The following SCN1A variants were observed in gnomAD, a reference collection of about 807,000 sequenced individuals.
SCN1A encodes sodium channel protein type 1 subunit alpha.
A neutral mutation model predicts 193.7 loss-of-function variants in SCN1A; 13 were observed. That is an observed-to-expected ratio of 0.07 (90% CI 0.04 to 0.11). The LOEUF is 0.11. Among genes scored for constraint, SCN1A ranks in the 10% least tolerant of loss-of-function variants. The pLI is 1.00. For missense variants in SCN1A, 1,432 were observed against 2,451.1 expected, an observed-to-expected ratio of 0.58 and a Z score of 8.78; for synonymous variants, 781 against 843.6, an observed-to-expected ratio of 0.93 and a Z score of 1.29.
chr2:166,011,820 T>A (rs1290749376), intron 22 of SCN1A, among the ~76,000 whole-genome samples: 1 of 151,102 alleles, frequency 6.6e-6, no homozygotes, highest in Non-Finnish European at 1.5e-5. Flanking sequence ...ACATACCTTT[T>A]AAGTTCCCTG....
intron 2 of SCN1A, among the ~76,000 whole-genome samples, chr2:166,108,040 T>C (rs1352762497): frequency 6.6e-6 from 1 of 152,050 alleles, no homozygotes; most frequent in Non-Finnish European, 1.5e-5. Context: ...TTGCAAATCA[T>C]ATATCTGATA....
Position 166,110,203 on chromosome 2 carries a change from C to A in SCN1A, c.-142+16721G>T, listed in dbSNP as rs578030425. 2.6e-4 allele frequency among the ~76,000 whole-genome samples: 39 copies of A among 152,022 alleles called. No individual in the cohort carries two copies. In the South Asian group the frequency reaches 7.3e-3, roughly 28 times the overall value. On this transcript the variant is annotated intron_variant, in intron 2 of 28. Transcript: ENST00000674923. The stretch of plus-strand genomic sequence containing the variant: ...AATTTTTTTTTAATCCCTACAATGG[C>A]CTTTAAGTGTTCAAGTCAAAGGAAG...
chr2:166,056,313 TAATAA>T, intron 6 of SCN1A, 93 bp downstream of exon 6: 1 of 824,108 alleles, frequency 1.2e-6, no homozygotes, highest in Non-Finnish European at 2.1e-6. Flanking sequence ...GGAATGACTT[TAATAA>T]AATGCTCTTC....
chr2:166,017,407 G>A (rs76236041), intron 19 of SCN1A, among the ~76,000 whole-genome samples: 1 of 151,886 alleles, frequency 6.6e-6, no homozygotes. Context: ...AGTGGCAGGC[G>A]TTAGTCACAT....
intron 2 of SCN1A, among the ~76,000 whole-genome samples, chr2:166,111,166 G>A (rs1043168422): frequency 2.0e-5 from 3 of 152,098 alleles, no homozygotes; most frequent in African/African-American, 7.2e-5. Flanking sequence ...ATGCCATCTA[G>A]GACTTTCATA....
intron 19 of SCN1A, among the ~76,000 whole-genome samples, chr2:166,027,470 T>C (rs78872568): frequency 0.019 from 2,820 of 152,108 alleles, 105 homozygotes; most frequent in African/African-American, 0.065. Flanking sequence ...AGCTTATTTA[T>C]AGAGTTTAGT....
intron 2 of SCN1A, among the ~76,000 whole-genome samples, chr2:166,123,282 A>AAGC (rs1558896009): frequency 2.0e-5 from 3 of 146,954 alleles, no homozygotes; most frequent in South Asian, 4.3e-4. Context: ...AAATCCCTCC[A>AAGC]AGCAGCTCCT....
At chr2:166,059,515 G>T (rs1410489041) in intron 4 of SCN1A, 1 of 152,146 alleles carries the variant, frequency 6.6e-6, no homozygotes, top group Non-Finnish European at 1.5e-5. Context: ...AAACATTAAA[G>T]AAGCAACATG....
chr2:166,047,029 G>C lies in SCN1A; in HGVS notation c.1171-53C>G, dbSNP rs1038692121. 8 of 1,591,690 alleles carry C rather than the reference G, an allele frequency of 5.0e-6. No individual in the cohort carries two copies. The East Asian group carries it at 1.8e-4, about 36-fold the overall frequency. ...CTCAATATTATTTCACTAAGTGGTG[G>C]CTTCAACTTTCAATTTACTCATGTG... On this transcript the variant is annotated intron_variant, in intron 11 of 28. Transcript: ENST00000674923.
In SCN1A at chr2:165,990,080, C is replaced by A. The variant is rs1324747329; in HGVS notation, c.*1165G>T. On this transcript the variant is annotated 3_prime_UTR_variant, in exon 29 of 29. Coordinates refer to ENST00000674923, the MANE Select transcript of SCN1A (RefSeq NM_001165963.4). The stretch of plus-strand genomic sequence containing the variant: ...GAGCAGTGAGAGAAACCAGATACAG[C>A]AGCATGGTAATATAAACATGCATTG... 4 of 152,538 alleles carry A rather than the reference C, an allele frequency of 2.6e-5. No individual in the cohort carries two copies. Among genetic ancestry groups the A allele is most frequent in the Non-Finnish European group, 5.9e-5 (4 of 68,016 alleles). 9.4% of individuals were successfully genotyped at this position (152,538 alleles called of 1,614,324 possible). A position where few individuals can be genotyped will look rare whatever the true frequency, so the allele number is the denominator to read the frequency against.
At chr2:166,116,842 CAAAAT>C (rs950023222) in intron 2 of SCN1A, among the ~76,000 whole-genome samples, 32 of 151,976 alleles carry the variant, frequency 2.1e-4, no homozygotes, top group African/African-American at 6.8e-4. Context: ...CACATGTCAA[CAAAAT>C]AAATTTCAAG....
chr2:166,041,226 CT>C lies in SCN1A; in HGVS notation c.2415+4del, dbSNP rs1472681972. On this transcript the variant is annotated splice_donor_region_variant and intron_variant, in intron 16 of 28. Transcript: ENST00000674923. ...CTAAACACATTTACCTTCCAATATG[CT>C]TACCAAGTTTCCTACTGTAAGCACA... 1 of 1,591,246 alleles carries C rather than the reference CT, an allele frequency of 6.3e-7. No homozygotes were observed. Among genetic ancestry groups the C allele is most frequent in the Middle Eastern group, 1.7e-4 (1 of 5,808 alleles).
At chr2:166,009,903 T>C in intron 22 of SCN1A, 62 bp from the exon 23 acceptor site, 1 of 1,475,198 alleles carries the variant, frequency 6.8e-7, no homozygotes, top group Non-Finnish European at 9.4e-7. Context: ...GTAGTTGCTA[T>C]ATAATACAAC....
chr2:166,135,033 TC>T (rs1691802042), intron 1 of SCN1A, among the ~76,000 whole-genome samples: 1 of 152,202 alleles, frequency 6.6e-6, no homozygotes, highest in African/African-American at 2.4e-5. Context: ...ATGTGTTCTT[TC>T]CTTTGCTCTT....
In SCN1A at chr2:166,015,782, C is replaced by T. The variant is rs962200469; in HGVS notation, c.3430-55G>A. On this transcript the variant is annotated intron_variant, in intron 19 of 28. Coordinates refer to ENST00000674923, the MANE Select transcript of SCN1A (RefSeq NM_001165963.4). ...GTCCTTTAATTTTGGTAATAAGTTG[C>T]CTGCCAAGAAAGGATTATTACTATG... is the stretch of plus-strand genomic sequence containing the variant. 4 of 1,600,730 alleles carry T rather than the reference C, an allele frequency of 2.5e-6. No individual in the cohort carries two copies. In the South Asian group the frequency reaches 4.4e-5, roughly 18 times the overall value.
chr2:166,025,535 T>C (rs1694646410), intron 19 of SCN1A, among the ~76,000 whole-genome samples: 2 of 152,164 alleles, frequency 1.3e-5, no homozygotes, highest in Non-Finnish European at 2.9e-5. Context: ...TCCCCCTTTT[T>C]GTCATAAATG....
chr2:166,004,021 G>C (rs1691308674), intron 23 of SCN1A, among the ~76,000 whole-genome samples: 1 of 151,538 alleles, frequency 6.6e-6, no homozygotes, highest in African/African-American at 2.4e-5. Flanking sequence ...AAAGGTGGAG[G>C]GGATGAGTAT....
At chr2:166,142,632 T>C (rs1275015879) in intron 1 of SCN1A, among the ~76,000 whole-genome samples, 3 of 152,238 alleles carry the variant, frequency 2.0e-5, no homozygotes, top group Admixed American at 6.5e-5. Flanking sequence ...ACACCTGTTG[T>C]ACTTTCCTTA....
intron 3 of SCN1A, among the ~76,000 whole-genome samples, chr2:166,075,980 T>C (rs1684948325): frequency 1.3e-5 from 2 of 152,020 alleles, no homozygotes; most frequent in African/African-American, 4.8e-5. Flanking sequence ...CAACTGCTTA[T>C]TTAAAAACAG....
Sources: allele counts gnomAD v4.1 joint callset (sites outside exome capture counted in the v4.1 genomes callset), GRCh38; gene constraint gnomAD v4.1.1; transcripts MANE v1.5; gene names NCBI Gene and HGNC (gene_info 2026-07-23, HGNC 2026-07-21).